DIP2C: variants seen among roughly 807,000 people sequenced by gnomAD.
The protein encoded by DIP2C is disco-interacting protein 2 homolog C.
DIP2C carries 33 observed loss-of-function variants against 192.4 expected under a neutral mutation model. The ratio of observed to expected loss-of-function variants is 0.17; its 90% CI spans 0.13 to 0.23. DIP2C has a LOEUF of 0.23. DIP2C is among the 10% of genes least tolerant of loss of function. The pLI, the probability that DIP2C is intolerant of heterozygous loss-of-function variation, is 1.00. For synonymous variants in DIP2C, 979 were observed against 864.1 expected, an observed-to-expected ratio of 1.13 and a Z score of -2.33; for missense variants, 1,537 against 2,110.1, an observed-to-expected ratio of 0.73 and a Z score of 5.32.
chr10:424,696 C>A (rs12413815), intron 4 of DIP2C, among the ~76,000 whole-genome samples: 70,177 of 151,962 alleles, frequency 0.46, 17,112 homozygotes, highest in African/African-American at 0.61. Flanking sequence ...TACACAATTT[C>A]TATAAAAGTA....
intron 1 of DIP2C, among the ~76,000 whole-genome samples, chr10:488,717 T>C (rs1844200279): frequency 6.6e-6 from 1 of 152,238 alleles, no homozygotes; most frequent in South Asian, 2.1e-4. Context: ...ATGACGCCTC[T>C]GGGTACCCAC....
At chr10:386,235 G>A (rs981219527) in intron 14 of DIP2C, among the ~76,000 whole-genome samples, 6 of 152,230 alleles carry the variant, frequency 3.9e-5, no homozygotes, top group African/African-American at 1.4e-4. Flanking sequence ...TGTAGGTGGA[G>A]TGAGTGCTTC....
At chr10:603,259 A>T (rs1003495535) in intron 1 of DIP2C, among the ~76,000 whole-genome samples, 3 of 127,164 alleles carry the variant, frequency 2.4e-5, no homozygotes, top group African/African-American at 8.7e-5. Context: ...AGGCTGCGCC[A>T]CTGTACTCCA....
In DIP2C at chr10:345,125, C is replaced by A; in HGVS notation, c.3232-15G>T. The A allele has an allele frequency of 6.2e-7, 1 of 1,605,254 alleles. No homozygotes were observed. On this transcript the variant is annotated splice_polypyrimidine_tract_variant and intron_variant, in intron 26 of 36. Transcript: ENST00000280886. ...GAGCGACTCACCTGGCATCAGAGAG[C>A]GAGAATGGAGCCATGAACGTGGACC...
At chr10:567,313 T>C (rs1849517583) in intron 1 of DIP2C, among the ~76,000 whole-genome samples, 1 of 152,146 alleles carries the variant, frequency 6.6e-6, no homozygotes, top group Admixed American at 6.5e-5. Flanking sequence ...TTCAGCCTCC[T>C]GAATAGCTGG....
chr10:365,961 C>T (rs1292087857), intron 19 of DIP2C, among the ~76,000 whole-genome samples: 1 of 152,248 alleles, frequency 6.6e-6, no homozygotes. Flanking sequence ...CTTCCCCAGG[C>T]AAGGCCCTTC....
intron 9 of DIP2C, among the ~76,000 whole-genome samples, chr10:400,028 G>A (rs963452481): frequency 2.0e-5 from 3 of 152,058 alleles, no homozygotes; most frequent in Admixed American, 2.0e-4. Context: ...AAGTAATATT[G>A]GTACCTACTA....
intron 1 of DIP2C, among the ~76,000 whole-genome samples, chr10:490,336 C>A (rs775481372): frequency 6.6e-6 from 1 of 152,246 alleles, no homozygotes; most frequent in Admixed American, 6.5e-5. Context: ...AAACTAAAGG[C>A]GCAAATGCTC....
chr10:321,031 A>T (rs1172218908), intron 31 of DIP2C, among the ~76,000 whole-genome samples: 3 of 148,748 alleles, frequency 2.0e-5, no homozygotes, highest in Non-Finnish European at 4.5e-5. Context: ...GAAAGACTGC[A>T]TGAGAAAGTG....
At chr10:429,177 T>A (rs537152642) in intron 4 of DIP2C, among the ~76,000 whole-genome samples, 1 of 151,600 alleles carries the variant, frequency 6.6e-6, no homozygotes, top group Admixed American at 6.6e-5. Context: ...TACTAAAAAA[T>A]CCTCCTGCTT....
chr10:414,810 G>A (rs1045610047), intron 7 of DIP2C, among the ~76,000 whole-genome samples: 2 of 130,248 alleles, frequency 1.5e-5, no homozygotes, highest in Non-Finnish European at 3.1e-5. Flanking sequence ...ATATTTTGTA[G>A]AGACAGGTTT....
intron 32 of DIP2C, among the ~76,000 whole-genome samples, chr10:296,679 A>C (rs1351303755): frequency 6.6e-6 from 1 of 152,182 alleles, no homozygotes; most frequent in Non-Finnish European, 1.5e-5. Flanking sequence ...AAAATGTGGC[A>C]CATATACACC....
In DIP2C at chr10:357,914, C is replaced by A. The variant is rs1273321769; in HGVS notation, c.2818G>T (p.Val940Leu). The A allele has an allele frequency of 1.2e-6, 2 of 1,612,574 alleles. No homozygotes were observed. The highest frequency in any genetic ancestry group is 1.7e-6 in the Non-Finnish European group (2 of 1,179,822). The change falls in exon 23 of 37, where the codon GTG (valine) becomes TTG (leucine). Residue 940 changes from valine to leucine, a missense_variant. Val to Leu is a conservative substitution (Grantham distance 32). Coordinates refer to ENST00000280886, the MANE Select transcript of DIP2C (RefSeq NM_014974.3). The stretch of plus-strand genomic sequence containing the variant: ...CTCTTCCCAGAGACCAGGTTCCCCA[C>A]CATCACAGAGGCAGGGCCGATTTCT... The part of the protein sequence containing the change: ...QPEIGPASVM[V>L]GNLVSGKRIA...
chr10:281,660 C>A (rs1403389050), intron 35 of DIP2C, among the ~76,000 whole-genome samples: 3 of 152,238 alleles, frequency 2.0e-5, no homozygotes, highest in Admixed American at 6.5e-5. Flanking sequence ...CGGCACCCAG[C>A]GGTCTGAGTT....
At chr10:598,440 A>C (rs1338375116) in intron 1 of DIP2C, among the ~76,000 whole-genome samples, 1 of 152,182 alleles carries the variant, frequency 6.6e-6, no homozygotes, top group Non-Finnish European at 1.5e-5. Context: ...CACAAAACCG[A>C]CATGCAATCA....
At chr10:610,907 G>A (rs1394654117) in intron 1 of DIP2C, among the ~76,000 whole-genome samples, 1 of 148,462 alleles carries the variant, frequency 6.7e-6, no homozygotes, top group Non-Finnish European at 1.5e-5. Context: ...CCTGGTGGGA[G>A]GTGACTGACT....
intron 22 of DIP2C, among the ~76,000 whole-genome samples, chr10:359,577 A>AGAGG (rs541256175): frequency 1.0e-3 from 154 of 152,350 alleles, no homozygotes; most frequent in African/African-American, 3.5e-3. Flanking sequence ...GAAGTATGGA[A>AGAGG]GAGGAATAGC....
intron 32 of DIP2C, among the ~76,000 whole-genome samples, chr10:302,593 G>A (rs886788978): frequency 6.6e-6 from 1 of 152,102 alleles, no homozygotes; most frequent in Admixed American, 6.5e-5. Context: ...AGTCCATTGT[G>A]TCATCACGCA....
chr10:456,431 A>G (rs10904257), intron 3 of DIP2C, among the ~76,000 whole-genome samples: 44,683 of 116,432 alleles, frequency 0.38, 5,818 homozygotes, highest in Non-Finnish European at 0.43. Flanking sequence ...AATGAGATGA[A>G]AACACTCTGC....
Sources: allele counts gnomAD v4.1 joint callset (sites outside exome capture counted in the v4.1 genomes callset), GRCh38; gene constraint gnomAD v4.1.1; transcripts MANE v1.5; gene names NCBI Gene and HGNC (gene_info 2026-07-23, HGNC 2026-07-21).